The following VTI1A variants were observed in gnomAD, a reference collection of about 807,000 sequenced individuals.
VTI1A encodes the protein vesicle transport through interaction with t-SNAREs homolog 1A.
In VTI1A, 22 loss-of-function variants were observed where a neutral mutation model predicts 34.9. The observed-to-expected ratio is 0.63, with a 90% CI of 0.45 to 0.90. The LOEUF (loss-of-function observed/expected upper bound fraction) is 0.90. VTI1A is among the 40% of genes least tolerant of loss of function. The pLI, the probability that VTI1A is intolerant of heterozygous loss-of-function variation, is 0.00. For synonymous variants in VTI1A, 87 were observed against 97.3 expected, an observed-to-expected ratio of 0.89 and a Z score of 0.62; for missense variants, 268 against 275.6, an observed-to-expected ratio of 0.97 and a Z score of 0.20.
At chr10:112,636,728 C>CAAAAAAAAAAA (rs10667914) in intron 5 of VTI1A, among the ~76,000 whole-genome samples, 1 of 111,696 alleles carries the variant, frequency 9.0e-6, no homozygotes, top group Non-Finnish European at 1.7e-5. Flanking sequence ...GACTCGATCT[C>CAAAAAAAAAAA]AAAAAAAAAA....
the VTI1A span, among the ~76,000 whole-genome samples, chr10:112,841,856 C>G: frequency 6.6e-6 from 1 of 152,154 alleles, no homozygotes. Flanking sequence ...CCGCAATAGT[C>G]TTCCAATAAA....
chr10:112,702,180 G>C (rs1028167585), intron 7 of VTI1A, among the ~76,000 whole-genome samples: 2 of 152,102 alleles, frequency 1.3e-5, no homozygotes, highest in African/African-American at 4.8e-5. Context: ...ATCTAACTTC[G>C]TGACCTGGGG....
At chr10:112,671,030 C>T (rs1034671847) in intron 7 of VTI1A, among the ~76,000 whole-genome samples, 41 of 152,138 alleles carry the variant, frequency 2.7e-4, no homozygotes, top group East Asian at 9.6e-4. Context: ...ATTACTGCCG[C>T]GTATGATATA....
intron 3 of VTI1A, among the ~76,000 whole-genome samples, chr10:112,499,016 C>T (rs1849127269): frequency 6.6e-6 from 1 of 152,050 alleles, no homozygotes; most frequent in Non-Finnish European, 1.5e-5. Flanking sequence ...TCAGCAAAGG[C>T]TTAAATGAAG....
At chr10:112,740,165 T>C (rs1209241230) in intron 7 of VTI1A, among the ~76,000 whole-genome samples, 1 of 152,246 alleles carries the variant, frequency 6.6e-6, no homozygotes, top group East Asian at 1.9e-4. Flanking sequence ...AGACTTGATC[T>C]GTGTTTCCTG....
At chr10:112,749,549 G>A (rs1851029221) in intron 7 of VTI1A, among the ~76,000 whole-genome samples, 1 of 152,230 alleles carries the variant, frequency 6.6e-6, no homozygotes, top group East Asian at 1.9e-4. Flanking sequence ...GATGAAAGGA[G>A]TAGCTGCTTA....
intron 3 of VTI1A, among the ~76,000 whole-genome samples, chr10:112,510,827 A>G (rs1240529896): frequency 6.6e-6 from 1 of 152,246 alleles, no homozygotes; most frequent in Non-Finnish European, 1.5e-5. Context: ...AAATAAAAGT[A>G]TGTTGCTAAT....
In VTI1A at chr10:112,669,052, A is replaced by G. The variant is rs984907203; in HGVS notation, c.560+54A>G. 5.0e-6 allele frequency: 8 copies of G among 1,594,790 alleles called. No individual in the cohort carries two copies. In the South Asian group the frequency reaches 5.6e-5, roughly 11 times the overall value. On this transcript the variant is annotated intron_variant, in intron 7 of 7. Coordinates refer to ENST00000393077, the MANE Select transcript of VTI1A (RefSeq NM_145206.4). ...TCTCTGTGTGTTTTTTTAAAATACT[A>G]TGTTTTCATTCAATTGCAATGGGGC...
chr10:112,509,142 A>G (rs573628341), intron 3 of VTI1A, among the ~76,000 whole-genome samples: 3 of 152,346 alleles, frequency 2.0e-5, no homozygotes, highest in East Asian at 1.9e-4. Flanking sequence ...GGCATTCTCA[A>G]TAATAATTGT....
In VTI1A at chr10:112,493,088, A is replaced by G. The variant is rs141662800; in HGVS notation, c.264+28431A>G. 2.6e-3 allele frequency among the ~76,000 whole-genome samples: 402 copies of G among 152,304 alleles called. 2 individuals are homozygous for G. Among genetic ancestry groups the G allele is most frequent in the African/African-American group, 9.2e-3 (382 of 41,574 alleles). ...ATAAATCAATATGGGAGAAATTGCT[A>G]TCTTAAAAATACTACATCTTCCAAT... is the stretch of plus-strand genomic sequence containing the variant. On this transcript the variant is annotated intron_variant, in intron 3 of 7. Transcript: ENST00000393077.
At chr10:112,757,452 C>T (rs1210473932) in intron 7 of VTI1A, among the ~76,000 whole-genome samples, 2 of 147,972 alleles carry the variant, frequency 1.4e-5, no homozygotes, top group African/African-American at 2.5e-5. Flanking sequence ...CTGCAACCTC[C>T]GCCTCCCAGC....
intron 7 of VTI1A, among the ~76,000 whole-genome samples, chr10:112,695,143 T>G (rs1013442605): frequency 2.0e-5 from 3 of 152,200 alleles, no homozygotes; most frequent in African/African-American, 7.2e-5. Context: ...AGTTCAAGTT[T>G]AGAGAAACAT....
At chr10:112,835,654 A>G in the VTI1A span, among the ~76,000 whole-genome samples, 1 of 152,150 alleles carries the variant, frequency 6.6e-6, no homozygotes, top group Non-Finnish European at 1.5e-5. Flanking sequence ...TTTCTTTGTT[A>G]TTATCTGAGT....
rs143332480 is a variant in VTI1A at position 112,615,261 on chromosome 10, A to G, written c.428-52957A>G. ...CTGTCACAGTAGTTTAGCAAGGGCA[A>G]GGTTTTTCTGAGATACTATAGATGG... On this transcript the variant is annotated intron_variant, in intron 5 of 7. Coordinates refer to ENST00000393077, the MANE Select transcript of VTI1A (RefSeq NM_145206.4). Among the ~76,000 whole-genome samples the G allele has an allele frequency of 2.0e-3, 306 of 152,346 alleles. 2 individuals carry two copies. Among genetic ancestry groups the G allele is most frequent in the Admixed American group, 0.018 (277 of 15,298 alleles).
chr10:112,544,822 C>T (rs1787378135), intron 5 of VTI1A, among the ~76,000 whole-genome samples: 1 of 152,076 alleles, frequency 6.6e-6, no homozygotes, highest in South Asian at 2.1e-4. Context: ...GTTCAGGCAA[C>T]AGAAAGAAAA....
rs533286495 is a variant in VTI1A at position 112,448,229 on chromosome 10, C to T, written c.94+762C>T. On this transcript the variant is annotated intron_variant, in intron 1 of 7. Coordinates refer to ENST00000393077, the MANE Select transcript of VTI1A (RefSeq NM_145206.4). The stretch of plus-strand genomic sequence containing the variant: ...TTAGCATTAGTATTTTTCATACCCC[C>T]CACCCCCATTTCTTGTTTCTCATCC... Among the ~76,000 whole-genome samples the T allele has an allele frequency of 7.2e-5, 11 of 152,200 alleles. No homozygotes were observed. In the East Asian group the frequency reaches 2.1e-3, roughly 29 times the overall value.
chr10:112,697,980 G>T (rs1351283570), intron 7 of VTI1A, among the ~76,000 whole-genome samples: 1 of 151,642 alleles, frequency 6.6e-6, no homozygotes, highest in Non-Finnish European at 1.5e-5. Context: ...TCTTTTTTAA[G>T]TGACATCCAG....
intron 5 of VTI1A, among the ~76,000 whole-genome samples, chr10:112,621,104 A>G (rs1845716445): frequency 6.6e-6 from 1 of 152,158 alleles, no homozygotes; most frequent in Non-Finnish European, 1.5e-5. Context: ...AATAATTGCC[A>G]TCTGTTCCAA....
chr10:112,597,345 G>A (rs1035374672), intron 5 of VTI1A, among the ~76,000 whole-genome samples: 3 of 152,056 alleles, frequency 2.0e-5, no homozygotes, highest in African/African-American at 7.3e-5. Flanking sequence ...AGCCTCCTGA[G>A]TAACTGGGAT....
Sources: gnomAD v4.1 joint callset for allele counts (sites outside exome capture counted in the v4.1 genomes callset) on GRCh38, gnomAD v4.1.1 for gene constraint, MANE v1.5 for transcripts, NCBI Gene and HGNC (gene_info 2026-07-23, HGNC 2026-07-21) for gene names.